Variants in CTDSPL2 observed in about 807,000 individuals in gnomAD.
CTDSPL2 encodes the protein CTD small phosphatase like 2, also known as CTD small phosphatase-like protein 2.
A neutral mutation model predicts 60.0 loss-of-function variants in CTDSPL2; 5 were observed. That is an observed-to-expected ratio of 0.08 (90% confidence interval 0.04 to 0.18). CTDSPL2 has a LOEUF of 0.18. CTDSPL2 is among the 10% of genes least tolerant of loss of function. The pLI is 1.00. For missense variants in CTDSPL2, 370 were observed against 548.8 expected, an observed-to-expected ratio of 0.67 and a Z score of 3.26; for synonymous variants, 186 against 189.3, an observed-to-expected ratio of 0.98 and a Z score of 0.14.
chr15:44,498,485 C>G, intron 7 of CTDSPL2, among the ~76,000 whole-genome samples: 1 of 152,120 alleles, frequency 6.6e-6, no homozygotes, highest in South Asian at 2.1e-4. Context: ...ACTCGGGAGG[C>G]CGAGAGAGGA....
At chr15:44,496,807 C>A (rs2081308467) in intron 6 of CTDSPL2, among the ~76,000 whole-genome samples, 1 of 152,038 alleles carries the variant, frequency 6.6e-6, no homozygotes, top group African/African-American at 2.4e-5. Context: ...GTTACAGTGA[C>A]CTGTGATAGA....
chr15:44,434,214 A>G (rs1036043558), intron 1 of CTDSPL2, among the ~76,000 whole-genome samples: 1 of 152,018 alleles, frequency 6.6e-6, no homozygotes, highest in East Asian at 1.9e-4. Flanking sequence ...ATCCTGGCCA[A>G]CATGGCGAAA....
intron 10 of CTDSPL2, among the ~76,000 whole-genome samples, chr15:44,515,327 G>A (rs2081630578): frequency 6.6e-6 from 1 of 152,062 alleles, no homozygotes; most frequent in African/African-American, 2.4e-5. Flanking sequence ...AATTACAGTG[G>A]GTTTAGTCAC....
At chr15:44,460,749 T>TTATAGTATAA (rs2080549751) in intron 2 of CTDSPL2, among the ~76,000 whole-genome samples, 1 of 152,184 alleles carries the variant, frequency 6.6e-6, no homozygotes, top group Non-Finnish European at 1.5e-5. Context: ...TCTTTGTTAA[T>TTATAGTATAA]TTTCAGTAAT....
At chr15:44,449,212 T>A in intron 1 of CTDSPL2, 1 of 279,574 alleles carries the variant, frequency 3.6e-6, no homozygotes, top group Non-Finnish European at 7.4e-6. Context: ...TGCATTGCTC[T>A]CCTGGCATGT....
chr15:44,510,482 GT>G (rs2081548077), intron 8 of CTDSPL2, among the ~76,000 whole-genome samples: 1 of 151,850 alleles, frequency 6.6e-6, no homozygotes, highest in Non-Finnish European at 1.5e-5. Context: ...AATATATTTG[GT>G]TTACTGAGAA....
At chr15:44,493,218 T>C (rs2081245715) in intron 5 of CTDSPL2, among the ~76,000 whole-genome samples, 1 of 152,148 alleles carries the variant, frequency 6.6e-6, no homozygotes, top group African/African-American at 2.4e-5. Flanking sequence ...CTAAATGACA[T>C]GGTGTGTCAC....
At chr15:44,479,171 G>A (rs1214374663) in intron 2 of CTDSPL2, among the ~76,000 whole-genome samples, 1 of 151,836 alleles carries the variant, frequency 6.6e-6, no homozygotes, top group Non-Finnish European at 1.5e-5. Context: ...AGGATTGCTT[G>A]AACCTGGGAA....
intron 1 of CTDSPL2, among the ~76,000 whole-genome samples, chr15:44,435,043 C>T (rs1201869458): frequency 6.6e-6 from 1 of 151,990 alleles, no homozygotes; most frequent in African/African-American, 2.4e-5. Context: ...AGGCGGATTA[C>T]AAGGTCAGGA....
intron 8 of CTDSPL2, chr15:44,501,864 T>C: frequency 2.6e-6 from 1 of 386,380 alleles, no homozygotes; most frequent in South Asian, 2.0e-5. Context: ...ATTCTGTCTT[T>C]TAAAAAATAA....
chr15:44,435,439 G>A (rs1183517741), intron 1 of CTDSPL2, among the ~76,000 whole-genome samples: 3 of 151,498 alleles, frequency 2.0e-5, no homozygotes, highest in South Asian at 2.1e-4. Context: ...GCATGGTAGC[G>A]CATGCCTGTA....
intron 8 of CTDSPL2, among the ~76,000 whole-genome samples, chr15:44,506,025 C>CGTTTTTTTTTTTTTTTTTTTTTTTTTT (rs1555439067): frequency 8.5e-6 from 1 of 117,580 alleles, no homozygotes; most frequent in South Asian, 2.8e-4. Context: ...TCATTGGTAA[C>CGTTTTTTTTTTTTTTTTTTTTTTTTTT]TTTTTTTTTT....
At chr15:44,446,539 A>G (rs1208219580) in intron 1 of CTDSPL2, among the ~76,000 whole-genome samples, 2 of 151,976 alleles carry the variant, frequency 1.3e-5, no homozygotes, top group African/African-American at 4.8e-5. Flanking sequence ...CCAAGGCAGG[A>G]GAACTGCTTA....
intron 8 of CTDSPL2, among the ~76,000 whole-genome samples, chr15:44,510,804 C>A (rs959324039): frequency 6.6e-6 from 1 of 152,208 alleles, no homozygotes; most frequent in African/African-American, 2.4e-5. Context: ...GTTTTTGTAT[C>A]TCTGACCTAA....
intron 2 of CTDSPL2, among the ~76,000 whole-genome samples, chr15:44,478,910 C>T (rs547882995): frequency 9.1e-4 from 138 of 152,206 alleles, no homozygotes; most frequent in African/African-American, 3.2e-3. Flanking sequence ...ACCCAGGAGG[C>T]GGAGCCACTG....
In CTDSPL2 at chr15:44,471,014, G is replaced by A. The variant is rs188858465; in HGVS notation, c.186+11814G>A. On this transcript the variant is annotated intron_variant, in intron 2 of 12. Coordinates refer to ENST00000260327, the MANE Select transcript of CTDSPL2 (RefSeq NM_016396.3). ...TGAATTCTGACAGATTTATGCACAT[G>A]ACCAAAAAGTATCCTTATTTTATAC... Among the ~76,000 whole-genome samples, 3 of 152,108 alleles carry A rather than the reference G, an allele frequency of 2.0e-5. No individual in the cohort carries two copies. In the East Asian group the frequency reaches 5.8e-4, roughly 29 times the overall value.
chr15:44,499,938 A>C, intron 8 of CTDSPL2, 125 bp downstream of exon 8: 58 of 570,548 alleles, frequency 1.0e-4, no homozygotes, highest in East Asian at 2.1e-4. Context: ...AATGGATTTC[A>C]TCAACATTTT....
chr15:44,479,776 G>C (rs1244524947), intron 2 of CTDSPL2, among the ~76,000 whole-genome samples: 1 of 151,990 alleles, frequency 6.6e-6, no homozygotes, highest in East Asian at 1.9e-4. Context: ...ATCTTTTTCT[G>C]ACACGTGTTC....
chr15:44,500,256 T>C (rs1475280267), intron 8 of CTDSPL2, among the ~76,000 whole-genome samples: 1 of 152,232 alleles, frequency 6.6e-6, no homozygotes, highest in Admixed American at 6.5e-5. Flanking sequence ...TACATCTCTT[T>C]TATAATTAAT....
Sources: gnomAD v4.1 joint callset for allele counts (sites outside exome capture counted in the v4.1 genomes callset) on GRCh38, gnomAD v4.1.1 for gene constraint, MANE v1.5 for transcripts, NCBI Gene and HGNC (gene_info 2026-07-23, HGNC 2026-07-21) for gene names.